The following SLC35D4 variants were observed in gnomAD, a reference collection of about 807,000 sequenced individuals.
SLC35D4 encodes solute carrier family 35 member D4.
the SLC35D4 span, among the ~76,000 whole-genome samples, chr18:23,361,883 T>C: frequency 2.0e-5 from 3 of 152,372 alleles, no homozygotes; most frequent in South Asian, 4.1e-4. Flanking sequence ...TATTGAGATA[T>C]AATTTGCATA....
At chr18:23,298,529 T>A in the SLC35D4 span, among the ~76,000 whole-genome samples, 1 of 151,990 alleles carries the variant, frequency 6.6e-6, no homozygotes, top group African/African-American at 2.4e-5. Flanking sequence ...CATTTAAAGG[T>A]GAAAATACAA....
At chr18:23,353,076 A>AGTGTGTGT in the SLC35D4 span, among the ~76,000 whole-genome samples, 3,876 of 126,530 alleles carry the variant, frequency 0.031, 148 homozygotes, top group African/African-American at 0.046. Flanking sequence ...TGAGACAGAC[A>AGTGTGTGT]GTGTGTGTGT....
chr18:23,267,776 G>A, the SLC35D4 span, among the ~76,000 whole-genome samples: 1 of 152,146 alleles, frequency 6.6e-6, no homozygotes, highest in East Asian at 1.9e-4. Flanking sequence ...GCTGCACTAG[G>A]GTGTCCTGTT....
At chr18:23,268,961 C>T in the SLC35D4 span, among the ~76,000 whole-genome samples, 5 of 152,200 alleles carry the variant, frequency 3.3e-5, no homozygotes, top group African/African-American at 7.2e-5. Flanking sequence ...GAAGTTGGCT[C>T]ACAAGAGCAG....
chr18:23,417,176 A>T, the SLC35D4 span, among the ~76,000 whole-genome samples: 2 of 151,986 alleles, frequency 1.3e-5, no homozygotes, highest in Non-Finnish European at 2.9e-5. Flanking sequence ...CAGAAGTTCA[A>T]GGCTGCAGTG....
the SLC35D4 span, among the ~76,000 whole-genome samples, chr18:23,291,407 A>T: frequency 2.0e-5 from 3 of 152,248 alleles, no homozygotes; most frequent in South Asian, 6.2e-4. Context: ...TTAGTGGCTT[A>T]AAATGATTTT....
chr18:23,274,389 A>T, the SLC35D4 span, among the ~76,000 whole-genome samples: 1 of 152,382 alleles, frequency 6.6e-6, no homozygotes, highest in East Asian at 1.9e-4. Context: ...ATAAAGAGGT[A>T]GATAATTCTT....
chr18:23,385,820 G>C, the SLC35D4 span, among the ~76,000 whole-genome samples: 2 of 152,078 alleles, frequency 1.3e-5, no homozygotes, highest in African/African-American at 4.8e-5. Flanking sequence ...AAAGTCTAGG[G>C]GCGCCATAGG....
At chr18:23,262,265 C>G in the SLC35D4 span, among the ~76,000 whole-genome samples, 1 of 152,190 alleles carries the variant, frequency 6.6e-6, no homozygotes, top group African/African-American at 2.4e-5. Flanking sequence ...TAAGCAACAG[C>G]TAACATATTG....
At chr18:23,366,323 G>T in the SLC35D4 span, among the ~76,000 whole-genome samples, 1 of 152,150 alleles carries the variant, frequency 6.6e-6, no homozygotes, top group Non-Finnish European at 1.5e-5. Context: ...CCTTCATGCT[G>T]CCAAACCCCA....
At chr18:23,302,002 T>C in the SLC35D4 span, among the ~76,000 whole-genome samples, 187 of 152,410 alleles carry the variant, frequency 1.2e-3, 1 homozygote, top group African/African-American at 4.2e-3. Flanking sequence ...CTTCGGTTTA[T>C]AATTGTTCTT....
At chr18:23,271,601 C>A in the SLC35D4 span, among the ~76,000 whole-genome samples, 1 of 152,034 alleles carries the variant, frequency 6.6e-6, no homozygotes, top group Admixed American at 6.6e-5. Context: ...TCACAACAAG[C>A]CCCTTTCAAC....
chr18:23,437,930 A>T, the SLC35D4 span: 2 of 1,486,640 alleles, frequency 1.3e-6, no homozygotes, highest in Non-Finnish European at 1.8e-6. Flanking sequence ...CCGCAGCAGC[A>T]GCAGCGGCAG....
the SLC35D4 span, among the ~76,000 whole-genome samples, chr18:23,317,928 C>T: frequency 3.3e-5 from 5 of 151,876 alleles, no homozygotes; most frequent in East Asian, 1.9e-4. Context: ...TTAGTAGAGA[C>T]GGTTTCACCA....
the SLC35D4 span, among the ~76,000 whole-genome samples, chr18:23,371,926 G>GTT: frequency 6.3e-3 from 75 of 11,818 alleles, 2 homozygotes; most frequent in African/African-American, 0.016. Context: ...TTTCTTCCTT[G>GTT]TTTTTTTTGT....
At chr18:23,359,897 G>A in the SLC35D4 span, among the ~76,000 whole-genome samples, 1 of 152,152 alleles carries the variant, frequency 6.6e-6, no homozygotes, top group South Asian at 2.1e-4. Context: ...AGTGCAAGGG[G>A]GAAAGGTGAT....
At chr18:23,297,786 C>T in the SLC35D4 span, 1 of 526,606 alleles carries the variant, frequency 1.9e-6, no homozygotes, top group African/African-American at 1.9e-5. Context: ...GACCTGCAGA[C>T]CCCCAGAAAG....
chr18:23,241,936 C>T, the SLC35D4 span, among the ~76,000 whole-genome samples: 1 of 152,130 alleles, frequency 6.6e-6, no homozygotes, highest in Non-Finnish European at 1.5e-5. Context: ...AAGTCACTCC[C>T]ACTGTTACCT....
chr18:23,372,091 A>G, the SLC35D4 span, among the ~76,000 whole-genome samples: 1 of 145,516 alleles, frequency 6.9e-6, no homozygotes, highest in Admixed American at 6.9e-5. Context: ...GCCCGCCACT[A>G]CGCCCGGCTA....
Sources: allele counts gnomAD v4.1 joint callset (sites outside exome capture counted in the v4.1 genomes callset), GRCh38; gene constraint gnomAD v4.1.1; transcripts MANE v1.5; gene names NCBI Gene and HGNC (gene_info 2026-07-23, HGNC 2026-07-21).